AP2A1: variants seen among roughly 807,000 people sequenced by gnomAD.
AP2A1 encodes the protein AP-2 complex subunit alpha-1.
AP2A1 carries 21 observed loss-of-function variants against 107.3 expected under a neutral mutation model. That is an observed-to-expected ratio of 0.20 (90% CI 0.14 to 0.28). The LOEUF (loss-of-function observed/expected upper bound fraction) is 0.28. Among genes scored for constraint, AP2A1 ranks in the 10% least tolerant of loss-of-function variants. AP2A1 has a pLI of 1.00. For missense variants in AP2A1, 873 were observed against 1,307.7 expected (o/e 0.67, Z 5.13); for synonymous variants, 602 against 564.8 (o/e 1.07, Z -0.93).
chr19:49,774,515 A>G (rs182724747), intron 1 of AP2A1, among the ~76,000 whole-genome samples: 6 of 152,196 alleles, frequency 3.9e-5, no homozygotes, highest in Non-Finnish European at 7.4e-5. Context: ...GTAACCCAGC[A>G]CCAAAATGCA....
chr19:49,796,923 C>T (rs960894865), intron 7 of AP2A1: 1 of 152,228 alleles, frequency 6.6e-6, no homozygotes, highest in East Asian at 1.9e-4. Flanking sequence ...TGTGTGTGTA[C>T]ACACTCTGAG....
chr19:49,783,698 T>C (rs1023234648), intron 4 of AP2A1, among the ~76,000 whole-genome samples: 2 of 152,194 alleles, frequency 1.3e-5, no homozygotes, highest in Non-Finnish European at 2.9e-5. Context: ...TAGAAGGCAT[T>C]TGCTGAACTG....
At chr19:49,769,944 C>G (rs2084540559) in intron 1 of AP2A1, among the ~76,000 whole-genome samples, 1 of 152,116 alleles carries the variant, frequency 6.6e-6, no homozygotes, top group South Asian at 2.1e-4. Flanking sequence ...TCATACCTCA[C>G]TGCAACCTCC....
At position 49,805,526 on chromosome 19, in the gene AP2A1, C is replaced by G; in HGVS notation, c.2418C>G (p.Ile806Met). 6.4e-7 allele frequency: 1 copy of G among 1,573,114 alleles called. No homozygotes were observed. Among genetic ancestry groups the G allele is most frequent in the Non-Finnish European group, 8.6e-7 (1 of 1,160,512 alleles). The change falls in exon 19 of 23, where the codon ATC becomes ATG. Residue 806 changes from isoleucine (I) to methionine (M), a missense_variant. Coordinates refer to ENST00000354293, the MANE Select transcript of AP2A1 (RefSeq NM_130787.3). Reference sequence around the variant, plus strand: ...CGCAGGTGCAGCAGGTGCTCAATATCGAGTGCCTGCGGGACTTCCTGACGC... The same window carrying G: ...CGCAGGTGCAGCAGGTGCTCAATATGGAGTGCCTGCGGGACTTCCTGACGC... ...GGAQVQQVLN[I>M]ECLRDFLTPP...
intron 15 of AP2A1, 87 bp from the exon 16 acceptor site, chr19:49,802,862 T>C: frequency 6.9e-7 from 1 of 1,455,054 alleles, no homozygotes; most frequent in Non-Finnish European, 9.4e-7. Context: ...GTTCTGTCCT[T>C]AGGGCTTGTT....
intron 1 of AP2A1, among the ~76,000 whole-genome samples, chr19:49,777,809 T>A (rs555350522): frequency 7.2e-5 from 10 of 138,826 alleles, no homozygotes; most frequent in Admixed American, 3.0e-4. Flanking sequence ...CACCTCACAG[T>A]CCCAGCTACC....
chr19:49,786,437 G>T (rs375820569), intron 4 of AP2A1, among the ~76,000 whole-genome samples: 4 of 152,204 alleles, frequency 2.6e-5, no homozygotes, highest in African/African-American at 9.7e-5. Context: ...ACTCGCTGCA[G>T]TTCCAGTGCT....
At position 49,788,205 on chromosome 19, in the gene AP2A1, T is replaced by C. The variant is rs543858356; in HGVS notation, c.474-3730T>C. ...CAAGTGATCCTCCGTGGCCTCAGCT[T>C]CCCAAAGTGCTGAGATTACAGGCGT... On this transcript the variant is annotated intron_variant, in intron 4 of 22. Coordinates refer to ENST00000354293, the MANE Select transcript of AP2A1 (RefSeq NM_130787.3). The surrounding 1 kb of genome is among the most constrained non-coding windows in gnomAD (Gnocchi z 4.5). Among the ~76,000 whole-genome samples the C allele has an allele frequency of 6.6e-6, 1 of 152,306 alleles. No homozygotes were observed. The highest frequency in any genetic ancestry group is 1.9e-4 in the East Asian group (1 of 5,182).
intron 1 of AP2A1, among the ~76,000 whole-genome samples, chr19:49,768,571 G>T (rs1484732389): frequency 6.6e-6 from 1 of 152,136 alleles, no homozygotes; most frequent in Non-Finnish European, 1.5e-5. Context: ...AGTACCCAGT[G>T]ATGGTTGTTG....
At chr19:49,767,261 G>T in intron 1 of AP2A1, 61 bp downstream of exon 1, 1 of 1,587,690 alleles carries the variant, frequency 6.3e-7, no homozygotes, top group Non-Finnish European at 8.6e-7. Context: ...AAATTGAGGG[G>T]TTTGGGGATC....
intron 15 of AP2A1, 151 bp from the exon 16 acceptor site, chr19:49,802,798 A>G: frequency 9.4e-7 from 1 of 1,058,272 alleles, no homozygotes; most frequent in Non-Finnish European, 1.4e-6. Context: ...CCACTGCTGG[A>G]TGGATGCGAG....
intron 1 of AP2A1, among the ~76,000 whole-genome samples, chr19:49,778,368 A>C (rs2084638298): frequency 6.6e-6 from 1 of 152,176 alleles, no homozygotes; most frequent in Admixed American, 6.5e-5. Context: ...AGATCACTTG[A>C]GGTCAGGAGT....
At chr19:49,801,691 G>A (rs746453391) in intron 13 of AP2A1, 31 bp from the exon 14 acceptor site, 191 of 1,043,786 alleles carry the variant, frequency 1.8e-4, no homozygotes, top group Non-Finnish European at 2.3e-4. Context: ...CTCCTGACCC[G>A]AACTGACCTT....
rs1170751059 is a variant in AP2A1, at chr19:49,788,709, C to T, written c.474-3226C>T. Among the ~76,000 whole-genome samples, 1 of 151,060 alleles carries T rather than the reference C, an allele frequency of 6.6e-6. No individual in the cohort carries two copies. The highest frequency in any genetic ancestry group is 1.5e-5 in the Non-Finnish European group (1 of 67,804). On this transcript the variant is annotated intron_variant, in intron 4 of 22. Coordinates refer to ENST00000354293, the MANE Select transcript of AP2A1 (RefSeq NM_130787.3). This position sits in a 1 kb window ranked among gnomAD's most constrained non-coding sequence, Gnocchi z 4.5. ...CCAGAGTCAGGGCTCGGGAGATGCG[C>T]GCCGTGACGGAGATGGGAAAGTGGC... is the stretch of plus-strand genomic sequence containing the variant.
chr19:49,803,532 G>A (rs1363721064), intron 18 of AP2A1, 156 bp downstream of exon 18: 5 of 669,724 alleles, frequency 7.5e-6, no homozygotes, highest in Non-Finnish European at 1.3e-5. Context: ...TAAGATGGGG[G>A]TGGGATTCCT....
chr19:49,795,810 C>A, intron 7 of AP2A1, 72 bp downstream of exon 7: 2 of 1,171,044 alleles, frequency 1.7e-6, no homozygotes, highest in Non-Finnish European at 2.5e-6. Context: ...TGCTCCACGG[C>A]GCACCAGGTG....
intron 1 of AP2A1, among the ~76,000 whole-genome samples, chr19:49,775,240 A>T (rs556076518): frequency 4.6e-5 from 7 of 152,280 alleles, no homozygotes; most frequent in East Asian, 3.9e-4. Context: ...TATATTTTTT[A>T]AAAAAGCAAA....
Position 49,795,743 on chromosome 19 carries a change from T to C in AP2A1, c.814+5T>C. On this transcript the variant is annotated splice_donor_5th_base_variant and intron_variant, in intron 7 of 22. Coordinates refer to ENST00000354293, the MANE Select transcript of AP2A1 (RefSeq NM_130787.3). ...TGCAGTGCTACCCGCCTCCAGGTAA[T>C]GAACGCCGTGCACTCCCCAACCCGG... is the stretch of plus-strand genomic sequence containing the variant. 6.5e-7 allele frequency: 1 copy of C among 1,541,618 alleles called. No individual in the cohort carries two copies. The highest frequency in any genetic ancestry group is 8.8e-7 in the Non-Finnish European group (1 of 1,140,410).
intron 11 of AP2A1, 58 bp from the exon 12 acceptor site, chr19:49,800,903 C>T (rs950727561): frequency 6.2e-6 from 9 of 1,452,962 alleles, no homozygotes; most frequent in East Asian, 2.5e-5. Flanking sequence ...CTGCACCCAC[C>T]GATCCCGGAG....
Sources: allele counts gnomAD v4.1 joint callset (sites outside exome capture counted in the v4.1 genomes callset), GRCh38; gene constraint gnomAD v4.1.1; non-coding constraint Gnocchi (gnomAD v3.1); transcripts MANE v1.5; gene names NCBI Gene and HGNC (gene_info 2026-07-23, HGNC 2026-07-21).